The following GRIP1 variants were observed in gnomAD, a reference collection of about 807,000 sequenced individuals.
The protein encoded by GRIP1 is glutamate receptor-interacting protein 1.
Under a neutral mutation model 129.9 loss-of-function variants are expected in GRIP1, and 45 were observed. The ratio of observed to expected loss-of-function variants is 0.35; its 90% confidence interval spans 0.27 to 0.44. The LOEUF (loss-of-function observed/expected upper bound fraction) is 0.44. Ranked by LOEUF, GRIP1 falls within the 20% of genes least tolerant of loss-of-function variation. The probability of loss-of-function intolerance (pLI) is 1.00; values close to 1 mark genes in which losing one functional copy is unlikely to be tolerated. For missense variants in GRIP1, 1,196 were observed against 1,396.8 expected (o/e 0.86, Z 2.29); for synonymous variants, 530 against 520.8 (o/e 1.02, Z -0.24).
intron 1 of GRIP1, among the ~76,000 whole-genome samples, chr12:67,000,761 T>A (rs1364928374): frequency 1.3e-5 from 2 of 152,206 alleles, no homozygotes; most frequent in Non-Finnish European, 2.9e-5. Context: ...ATATAGATTT[T>A]GGATATTGTG....
At chr12:66,653,749 C>A (rs575338445) in intron 1 of GRIP1, among the ~76,000 whole-genome samples, 1 of 152,294 alleles carries the variant, frequency 6.6e-6, no homozygotes, top group South Asian at 2.1e-4. Context: ...GCTGCTTATG[C>A]TTAACACATA....
chr12:66,452,987 T>C lies in GRIP1; in HGVS notation c.1354+2422A>G, dbSNP rs117579480. On this transcript the variant is annotated intron_variant, in intron 11 of 24. Coordinates refer to ENST00000359742, the MANE Select transcript of GRIP1 (RefSeq NM_001366722.1). ...AAAATGTGTGATCTCCTGAGACACA[T>C]TTATAAACATTCTGGTATGTTTATT... Among the ~76,000 whole-genome samples, 580 of 152,318 alleles carry C rather than the reference T, an allele frequency of 3.8e-3. 2 individuals carry two copies. The highest frequency in any genetic ancestry group is 5.8e-3 in the Non-Finnish European group (394 of 68,018).
intron 2 of GRIP1, among the ~76,000 whole-genome samples, chr12:66,543,146 A>G (rs1309169469): frequency 6.6e-6 from 1 of 152,132 alleles, no homozygotes; most frequent in East Asian, 1.9e-4. Flanking sequence ...TAGTGAGGAG[A>G]ACAGAGTACT....
intron 1 of GRIP1, among the ~76,000 whole-genome samples, chr12:67,001,858 T>C (rs1045771571): frequency 6.6e-6 from 1 of 152,134 alleles, no homozygotes; most frequent in Non-Finnish European, 1.5e-5. Context: ...CCTTTCTATC[T>C]GCAGACATTT....
chr12:66,598,800 G>C (rs1303586154), intron 1 of GRIP1, among the ~76,000 whole-genome samples: 1 of 152,154 alleles, frequency 6.6e-6, no homozygotes, highest in Non-Finnish European at 1.5e-5. Context: ...CTTAGGTACG[G>C]CATCTTGGAA....
At chr12:66,545,428 G>A (rs2061918394) in intron 2 of GRIP1, among the ~76,000 whole-genome samples, 1 of 152,080 alleles carries the variant, frequency 6.6e-6, no homozygotes, top group African/African-American at 2.4e-5. Context: ...TTAATATGCA[G>A]AAAACTATAT....
rs189775098 is a variant in GRIP1 at position 66,725,027 on chromosome 12, C to T, written c.-420+79026G>A. The stretch of plus-strand genomic sequence containing the variant: ...TAGAAGTAGGCCAGGCACGATGGCT[C>T]ATGCCTGTAATCCCAGCGCTTTTGG... On this transcript the variant is annotated intron_variant, in intron 1 of 4. Coordinates refer to the GRIP1 transcript ENST00000538373. Among the ~76,000 whole-genome samples, 47 of 152,292 alleles carry T rather than the reference C, an allele frequency of 3.1e-4. No individual in the cohort carries two copies. The East Asian group carries it at 8.5e-3, about 27-fold the overall frequency.
intron 23 of GRIP1, among the ~76,000 whole-genome samples, chr12:66,364,061 T>C (rs532216171): frequency 4.6e-5 from 7 of 151,928 alleles, no homozygotes; most frequent in Admixed American, 1.3e-4. Context: ...GACCAGCCAG[T>C]CTGAGACCAG....
chr12:67,014,054 G>C (rs1366297352), intron 1 of GRIP1, among the ~76,000 whole-genome samples: 1 of 152,076 alleles, frequency 6.6e-6, no homozygotes, highest in Non-Finnish European at 1.5e-5. Context: ...TACCATGATG[G>C]AGACCAGCCC....
intron 1 of GRIP1, among the ~76,000 whole-genome samples, chr12:66,695,798 T>C (rs1212370323): frequency 1.3e-5 from 2 of 152,178 alleles, no homozygotes; most frequent in African/African-American, 2.4e-5. Context: ...AATAATTCAG[T>C]GGAATATCAG....
intron 1 of GRIP1, among the ~76,000 whole-genome samples, chr12:66,858,211 A>G (rs1410802172): frequency 6.6e-6 from 1 of 151,932 alleles, no homozygotes; most frequent in East Asian, 1.9e-4. Context: ...TATATAAGAG[A>G]TCATTTTTCT....
rs554609266 is a variant in GRIP1 at position 66,648,457 on chromosome 12, G to A, written c.55+30393C>T. Among the ~76,000 whole-genome samples the A allele has an allele frequency of 1.6e-3, 239 of 152,190 alleles. 1 individual carries two copies. Among genetic ancestry groups the A allele is most frequent in the African/African-American group, 5.4e-3 (223 of 41,514 alleles). On this transcript the variant is annotated intron_variant, in intron 1 of 24. Coordinates refer to ENST00000359742, the MANE Select transcript of GRIP1 (RefSeq NM_001366722.1). ...TGGGTATTTGTAGTTCCCAGCTTACGGCAGTTGTTCAATAAATGTTTGCTG... is the reference window on the plus strand; with the variant it reads ...TGGGTATTTGTAGTTCCCAGCTTACAGCAGTTGTTCAATAAATGTTTGCTG...
chr12:66,466,853 G>A (rs1351972891), intron 7 of GRIP1, among the ~76,000 whole-genome samples: 1 of 152,078 alleles, frequency 6.6e-6, no homozygotes, highest in Admixed American at 6.6e-5. Flanking sequence ...CTTTCTGCAA[G>A]AACATCTTTG....
chr12:67,064,749 A>T (rs562363683), intron 1 of GRIP1, among the ~76,000 whole-genome samples: 1 of 151,732 alleles, frequency 6.6e-6, no homozygotes, highest in African/African-American at 2.4e-5. Context: ...TTTCTCATAG[A>T]TATTTTTTTA....
intron 15 of GRIP1, among the ~76,000 whole-genome samples, chr12:66,414,774 A>T (rs902939289): frequency 2.0e-5 from 3 of 151,738 alleles, no homozygotes; most frequent in Non-Finnish European, 4.4e-5. Flanking sequence ...CAGATTAGAG[A>T]ACTCAGAAAT....
Position 66,371,869 on chromosome 12 carries a change from C to A in GRIP1, c.2837G>T (p.Ser946Ile). 1 of 1,613,630 alleles carries A rather than the reference C, an allele frequency of 6.2e-7. No homozygotes were observed. The highest frequency in any genetic ancestry group is 1.1e-5 in the South Asian group (1 of 91,062). Residue 946 changes from serine to isoleucine, a missense_variant, in exon 23 of 25, where the codon AGT (serine) becomes ATT (isoleucine). Ser to Ile is a moderately radical substitution (Grantham distance 142, BLOSUM62 -2). Transcript: ENST00000359742. ...SLNHEAPTPR[S>I]QLGRQASFQE... ...GAAGCTGGCCTGTCGCCCCAGCTGA[C>A]TGCGAGGTGTTGGAGCCTCATGATT...
chr12:66,419,961 G>A (rs2057746180), intron 15 of GRIP1, among the ~76,000 whole-genome samples: 1 of 152,160 alleles, frequency 6.6e-6, no homozygotes, highest in Non-Finnish European at 1.5e-5. Context: ...GCCGGGCATG[G>A]CGGTGTGCAC....
At chr12:66,898,952 G>C (rs1174042848) in intron 1 of GRIP1, among the ~76,000 whole-genome samples, 1 of 152,128 alleles carries the variant, frequency 6.6e-6, no homozygotes, top group Non-Finnish European at 1.5e-5. Context: ...AGAAGAAACA[G>C]AGCATTATGA....
intron 1 of GRIP1, among the ~76,000 whole-genome samples, chr12:66,941,735 T>C (rs1373412756): frequency 6.6e-6 from 1 of 152,204 alleles, no homozygotes; most frequent in Non-Finnish European, 1.5e-5. Flanking sequence ...GGATCATAAA[T>C]ATACTGATAA....
Sources: allele counts gnomAD v4.1 joint callset (sites outside exome capture counted in the v4.1 genomes callset), GRCh38; gene constraint gnomAD v4.1.1; transcripts MANE v1.5; gene names NCBI Gene and HGNC (gene_info 2026-07-23, HGNC 2026-07-21).